Variants in KIZ observed in about 807,000 individuals in gnomAD.
The protein encoded by KIZ is kizuna centrosomal protein.
A neutral mutation model predicts 79.6 loss-of-function variants in KIZ; 68 were observed. That is an observed-to-expected ratio of 0.85 (90% CI 0.70 to 1.05). The LOEUF is 1.05. KIZ is among the 50% of genes least tolerant of loss of function. The pLI, the probability that KIZ is intolerant of heterozygous loss-of-function variation, is 0.00. For synonymous variants in KIZ, 280 were observed against 281.8 expected (o/e 0.99, Z 0.06); for missense variants, 797 against 800.4 (o/e 1.00, Z 0.05).
chr20:21,227,834 AT>A (rs1213115838), intron 9 of KIZ, among the ~76,000 whole-genome samples: 1 of 152,186 alleles, frequency 6.6e-6, no homozygotes, highest in Non-Finnish European at 1.5e-5. Flanking sequence ...TGTTTTCTTT[AT>A]CAGATTTTTC....
At chr20:21,232,555 CG>C (rs1450206289) in intron 10 of KIZ, among the ~76,000 whole-genome samples, 178 bp from the exon 11 acceptor site, 2 of 152,178 alleles carry the variant, frequency 1.3e-5, no homozygotes, top group Non-Finnish European at 2.9e-5. Context: ...CACTCCCTTT[CG>C]GTATTCTACC....
At chr20:21,148,500 A>G (rs535089297) in intron 4 of KIZ, among the ~76,000 whole-genome samples, 1 of 152,154 alleles carries the variant, frequency 6.6e-6, no homozygotes. Context: ...CTTACAAAAA[A>G]TGTGTCTTAC....
At chr20:21,198,495 G>A (rs1255967575) in intron 6 of KIZ, 1 of 152,582 alleles carries the variant, frequency 6.6e-6, no homozygotes, top group Non-Finnish European at 1.5e-5. Flanking sequence ...GTGAGTGAGT[G>A]AGTGGCTTTG....
chr20:21,190,694 T>C (rs1012089305), intron 6 of KIZ, among the ~76,000 whole-genome samples: 2 of 152,258 alleles, frequency 1.3e-5, no homozygotes, highest in Non-Finnish European at 2.9e-5. Flanking sequence ...GTAAAAATTT[T>C]CATGGGTCTT....
At chr20:21,135,470 C>T (rs753380445) in intron 2 of KIZ, among the ~76,000 whole-genome samples, 18 of 152,190 alleles carry the variant, frequency 1.2e-4, no homozygotes, top group African/African-American at 1.9e-4. Context: ...ATTATTAACA[C>T]GATAAAGACT....
At position 21,145,576 on chromosome 20, in the gene KIZ, G is replaced by T; in HGVS notation, c.327G>T (p.Glu109Asp). 6.7e-7 allele frequency: 1 copy of T among 1,493,820 alleles called. No individual in the cohort carries two copies. Among genetic ancestry groups the T allele is most frequent in the South Asian group, 1.3e-5 (1 of 79,494 alleles). 92.5% of individuals were successfully genotyped at this position (1,493,820 alleles called of 1,614,324 possible). ...TTCTTTATATTTAGCTCGAATATGA[G>T]ACTCAAATTAAGAAGATGCTATGCT... ...EKLQKLKLEY[E>D]TQIKKMLCSK... Residue 109 changes from glutamate to aspartate, a missense_variant, in exon 4 of 13, where the codon GAG becomes GAT. Physicochemically the swap from Glu to Asp is conservative, Grantham distance 45. Coordinates refer to ENST00000619189, the MANE Select transcript of KIZ (RefSeq NM_018474.6).
At chr20:21,158,574 A>G (rs942857835) in intron 4 of KIZ, 7 of 152,222 alleles carry the variant, frequency 4.6e-5, no homozygotes, top group African/African-American at 1.7e-4. Flanking sequence ...TATAATAAAA[A>G]CTATAATTAT....
intron 4 of KIZ, among the ~76,000 whole-genome samples, chr20:21,157,775 T>G (rs1302219551): frequency 3.9e-5 from 6 of 152,254 alleles, no homozygotes; most frequent in Non-Finnish European, 8.8e-5. Flanking sequence ...TGCCTTCTTT[T>G]GTGCTTTGGC....
In KIZ at chr20:21,160,690, C is replaced by A. The variant is rs183655386; in HGVS notation, c.406-1181C>A. Among the ~76,000 whole-genome samples the A allele has an allele frequency of 1.8e-4, 27 of 152,226 alleles. No homozygotes were observed. In the East Asian group the frequency reaches 3.5e-3, roughly 20 times the overall value. On this transcript the variant is annotated intron_variant, in intron 4 of 12. Coordinates refer to ENST00000619189, the MANE Select transcript of KIZ (RefSeq NM_018474.6). ...TATGGGCTGAATATTTGTGTCCCCC[C>A]CAAAGTTCATATATTGAAATTCTAA... is the stretch of plus-strand genomic sequence containing the variant.
chr20:21,215,802 T>G (rs1385030266), intron 9 of KIZ, among the ~76,000 whole-genome samples, 154 bp downstream of exon 9: 1 of 152,172 alleles, frequency 6.6e-6, no homozygotes, highest in East Asian at 1.9e-4. Flanking sequence ...GAGCAGAACA[T>G]ATATACTTAT....
chr20:21,149,642 A>G (rs1358215754), intron 4 of KIZ, among the ~76,000 whole-genome samples: 1 of 152,218 alleles, frequency 6.6e-6, no homozygotes, highest in African/African-American at 2.4e-5. Flanking sequence ...ACGTCAGAGA[A>G]GACAGCACCC....
chr20:21,157,564 A>C (rs913178838), intron 4 of KIZ, among the ~76,000 whole-genome samples: 1 of 152,176 alleles, frequency 6.6e-6, no homozygotes, highest in African/African-American at 2.4e-5. Flanking sequence ...ATTTACTATA[A>C]GTACATCATG....
At chr20:21,157,758 T>C (rs931482223) in intron 4 of KIZ, among the ~76,000 whole-genome samples, 1 of 152,218 alleles carries the variant, frequency 6.6e-6, no homozygotes, top group African/African-American at 2.4e-5. Flanking sequence ...TTCTCATATC[T>C]GAAATGTGCC....
At chr20:21,199,778 ATTC>A (rs1358277149) in intron 6 of KIZ, among the ~76,000 whole-genome samples, 2 of 152,106 alleles carry the variant, frequency 1.3e-5, no homozygotes, top group Non-Finnish European at 2.9e-5. Flanking sequence ...AGAATGATTT[ATTC>A]TTGTTCTTTA....
Position 21,214,614 on chromosome 20 carries a change from G to C in KIZ, c.1526G>C (p.Ser509Thr), listed in dbSNP as rs778230956. 1 of 1,612,606 alleles carries C rather than the reference G, an allele frequency of 6.2e-7. No homozygotes were observed. Among genetic ancestry groups the C allele is most frequent in the Admixed American group, 1.7e-5 (1 of 60,002 alleles). ...ATTCACAGTAGTGAATCATCTTGCA[G>C]CTTGCCATCTATTCTGAATGACAAT... Reference protein sequence around the residue: ...SAIHSSESSCSLPSILNDNSG... With the variant: ...SAIHSSESSCTLPSILNDNSG... The change falls in exon 8 of 13, where the codon AGC (serine) becomes ACC (threonine). Residue 509 changes from serine (S) to threonine (T), a missense_variant. Transcript: ENST00000619189.
intron 10 of KIZ, among the ~76,000 whole-genome samples, chr20:21,229,883 C>G (rs1475751769): frequency 3.3e-5 from 5 of 152,018 alleles, no homozygotes; most frequent in African/African-American, 1.2e-4. Flanking sequence ...GTGAGGAAAG[C>G]TAAATTTTAA....
intron 7 of KIZ, among the ~76,000 whole-genome samples, chr20:21,208,796 G>T (rs550897545): frequency 6.6e-6 from 1 of 152,240 alleles, no homozygotes; most frequent in Non-Finnish European, 1.5e-5. Flanking sequence ...CCAAAATGAT[G>T]CAGGCGGGGC....
Position 21,136,424 on chromosome 20 carries a change from C to A in KIZ, c.187C>A (p.Leu63Met). 1 of 1,557,384 alleles carries A rather than the reference C, an allele frequency of 6.4e-7. No homozygotes were observed. Among genetic ancestry groups the A allele is most frequent in the Non-Finnish European group, 8.7e-7 (1 of 1,143,318 alleles). ...KLKYVKLKNY[L>M]KEICESEKKA... ...GAAATATGTAAAACTAAAGAATTAT[C>A]TGAAGGAAATATGTGAATCTGAAAA... is the stretch of plus-strand genomic sequence containing the variant. Residue 63 changes from leucine (L) to methionine (M), a missense_variant, in exon 3 of 13, where the codon CTG (leucine) becomes ATG (methionine). By Grantham distance (15) the Leu-to-Met change is conservative (BLOSUM62 2). Transcript: ENST00000619189.
At position 21,246,481 on chromosome 20, in the gene KIZ, C is replaced by G; in HGVS notation, c.1927C>G (p.Leu643Val). Residue 643 changes from leucine (L) to valine (V), a missense_variant and splice_region_variant, in exon 13 of 13, where the codon CTC becomes GTC. Physicochemically the swap from Leu to Val is conservative, Grantham distance 32. Transcript: ENST00000619189. Reference sequence around the variant, plus strand: ...AACTGTCTGGTTTTATTTTCCAGCCCTCTGGGATGAGTCTGATGACAGTAA... The same window carrying G: ...AACTGTCTGGTTTTATTTTCCAGCCGTCTGGGATGAGTCTGATGACAGTAA... ...KPVINLKSNA[L>V]WDESDDSNSE... 3 of 1,596,466 alleles carry G rather than the reference C, an allele frequency of 1.9e-6. No homozygotes were observed. The highest frequency in any genetic ancestry group is 1.7e-6 in the Non-Finnish European group (2 of 1,164,474).
Sources: gnomAD v4.1 joint callset for allele counts (sites outside exome capture counted in the v4.1 genomes callset) on GRCh38, gnomAD v4.1.1 for gene constraint, MANE v1.5 for transcripts, NCBI Gene and HGNC (gene_info 2026-07-23, HGNC 2026-07-21) for gene names.